ARHGAP15: variants seen among roughly 807,000 people sequenced by gnomAD.
ARHGAP15 encodes Rho GTPase activating protein 15, also known as rho GTPase-activating protein 15.
In ARHGAP15, 51 loss-of-function variants were observed where a neutral mutation model predicts 63.7. The ratio of observed to expected loss-of-function variants is 0.80; its 90% CI spans 0.64 to 1.01. The LOEUF is 1.01. ARHGAP15 is among the 50% of genes least tolerant of loss of function. The pLI is 0.00. For missense variants in ARHGAP15, 560 were observed against 564.6 expected (o/e 0.99, Z 0.08); for synonymous variants, 191 against 193.8 (o/e 0.99, Z 0.12).
intron 6 of ARHGAP15, among the ~76,000 whole-genome samples, chr2:143,366,648 ATC>A (rs983000320): frequency 3.9e-5 from 6 of 152,092 alleles, no homozygotes; most frequent in African/African-American, 1.4e-4. Flanking sequence ...TTCTATAAAA[ATC>A]TATATGTTTC....
chr2:143,445,272 T>G (rs2105117536), intron 8 of ARHGAP15, among the ~76,000 whole-genome samples: 1 of 144,414 alleles, frequency 6.9e-6, no homozygotes, highest in Non-Finnish European at 1.5e-5. Flanking sequence ...GTGATTCTCC[T>G]GCCTCAGCCT....
intron 10 of ARHGAP15, among the ~76,000 whole-genome samples, chr2:143,520,040 G>T (rs1356802528): frequency 6.6e-6 from 1 of 152,092 alleles, no homozygotes; most frequent in African/African-American, 2.4e-5. Context: ...TTTCCTGGAA[G>T]ATACATATAG....
intron 12 of ARHGAP15, among the ~76,000 whole-genome samples, chr2:143,696,147 T>C (rs1305957580): frequency 6.6e-6 from 1 of 152,062 alleles, no homozygotes; most frequent in East Asian, 1.9e-4. Context: ...CTTTTTGAGT[T>C]TCACAATTAT....
At chr2:143,228,708 G>A (rs200344347) in intron 5 of ARHGAP15, 40 bp downstream of exon 5, 174 of 1,410,980 alleles carry the variant, frequency 1.2e-4, no homozygotes, top group Non-Finnish European at 1.6e-4. Flanking sequence ...TATCTTTTCA[G>A]AAATATTGTA....
intron 6 of ARHGAP15, among the ~76,000 whole-genome samples, chr2:143,397,530 G>A (rs1354748754): frequency 6.6e-6 from 1 of 151,440 alleles, no homozygotes; most frequent in East Asian, 1.9e-4. Context: ...GATACTGTGT[G>A]GAAACAATTA....
At chr2:143,473,716 G>A (rs567377082) in intron 8 of ARHGAP15, among the ~76,000 whole-genome samples, 1 of 152,144 alleles carries the variant, frequency 6.6e-6, no homozygotes, top group East Asian at 1.9e-4. Context: ...CCATATTTTA[G>A]AAATAAATCC....
At chr2:143,173,023 A>C (rs1200293918) in intron 2 of ARHGAP15, among the ~76,000 whole-genome samples, 1 of 152,100 alleles carries the variant, frequency 6.6e-6, no homozygotes, top group East Asian at 1.9e-4. Context: ...ATGTCAGTTG[A>C]CATCCATGAA....
chr2:143,646,803 C>T (rs1036432890), intron 12 of ARHGAP15, among the ~76,000 whole-genome samples: 6 of 151,952 alleles, frequency 3.9e-5, no homozygotes, highest in African/African-American at 1.4e-4. Flanking sequence ...GCAGTAGATG[C>T]TCTGACCACA....
chr2:143,297,665 T>C (rs1682701929), intron 6 of ARHGAP15, among the ~76,000 whole-genome samples: 1 of 151,984 alleles, frequency 6.6e-6, no homozygotes, highest in Non-Finnish European at 1.5e-5. Flanking sequence ...ATTGCCAGTC[T>C]TACTCACAAG....
chr2:143,256,711 A>T (rs1464430935), intron 6 of ARHGAP15, among the ~76,000 whole-genome samples: 34 of 152,056 alleles, frequency 2.2e-4, no homozygotes, highest in Admixed American at 2.2e-3. Context: ...GTTTAGCTTC[A>T]CTTTTGTTGA....
At chr2:143,541,449 A>C (rs4271708) in intron 10 of ARHGAP15, among the ~76,000 whole-genome samples, 92,425 of 151,756 alleles carry the variant, frequency 0.61, 28,292 homozygotes, top group East Asian at 0.78. Flanking sequence ...GGAGGAGAGG[A>C]GCTCTGATTT....
intron 12 of ARHGAP15, among the ~76,000 whole-genome samples, chr2:143,692,320 G>T (rs1483173014): frequency 6.6e-6 from 1 of 152,190 alleles, no homozygotes; most frequent in Non-Finnish European, 1.5e-5. Context: ...GGGGAAGCTT[G>T]CACTGCCGCA....
intron 5 of ARHGAP15, among the ~76,000 whole-genome samples, chr2:143,235,588 A>G (rs561275824): frequency 6.6e-6 from 1 of 152,312 alleles, no homozygotes; most frequent in East Asian, 1.9e-4. Flanking sequence ...TATTGTTTTA[A>G]CAAACATATA....
chr2:143,427,198 G>A (rs565430052), intron 6 of ARHGAP15, among the ~76,000 whole-genome samples: 4 of 152,058 alleles, frequency 2.6e-5, no homozygotes, highest in Non-Finnish European at 5.9e-5. Flanking sequence ...GATACATACT[G>A]TAACATCTTT....
At chr2:143,323,890 G>T (rs186903593) in intron 6 of ARHGAP15, among the ~76,000 whole-genome samples, 10 of 54,586 alleles carry the variant, frequency 1.8e-4, no homozygotes, top group African/African-American at 1.2e-3. Flanking sequence ...GCAAGACTCC[G>T]TCTCAAAAAA....
chr2:143,461,281 C>CAAA (rs70982868), intron 8 of ARHGAP15, among the ~76,000 whole-genome samples: 2,754 of 54,614 alleles, frequency 0.05, 539 homozygotes, highest in African/African-American at 0.053. Context: ...CTCTGTCTCT[C>CAAA]AAAAAAAAAA....
intron 10 of ARHGAP15, among the ~76,000 whole-genome samples, chr2:143,538,873 A>G (rs1181764792): frequency 6.6e-5 from 10 of 152,216 alleles, no homozygotes. Flanking sequence ...AGGCTTTGGT[A>G]TCAGGACGAT....
intron 2 of ARHGAP15, among the ~76,000 whole-genome samples, chr2:143,173,891 C>T (rs991394347): frequency 1.3e-5 from 2 of 152,048 alleles, no homozygotes; most frequent in Non-Finnish European, 2.9e-5. Flanking sequence ...CCACAAGAAA[C>T]GTTATAGGAT....
intron 9 of ARHGAP15, among the ~76,000 whole-genome samples, chr2:143,504,006 G>A (rs1693190532): frequency 6.6e-6 from 1 of 152,192 alleles, no homozygotes; most frequent in African/African-American, 2.4e-5. Context: ...ACATGGAAAA[G>A]TGTGGGAAAG....
Sources: allele counts gnomAD v4.1 joint callset (sites outside exome capture counted in the v4.1 genomes callset), GRCh38; gene constraint gnomAD v4.1.1; transcripts MANE v1.5; gene names NCBI Gene and HGNC (gene_info 2026-07-23, HGNC 2026-07-21).